Variants in SGCD observed in about 807,000 individuals in gnomAD.
SGCD encodes the protein delta-sarcoglycan.
SGCD carries 18 observed loss-of-function variants against 36.6 expected under a neutral mutation model. That is an observed-to-expected ratio of 0.49 (90% CI 0.34 to 0.73). SGCD has a LOEUF of 0.73. Among genes scored for constraint, SGCD ranks in the 30% least tolerant of loss-of-function variants. The pLI, the probability that SGCD is intolerant of heterozygous loss-of-function variation, is 0.01. For missense variants in SGCD, 387 were observed against 346.7 expected, an observed-to-expected ratio of 1.12 and a Z score of -0.92; for synonymous variants, 133 against 130.6, an observed-to-expected ratio of 1.02 and a Z score of -0.12.
intron 6 of SGCD, among the ~76,000 whole-genome samples, chr5:156,616,236 G>T (rs1432689705): frequency 6.6e-6 from 1 of 152,174 alleles, no homozygotes; most frequent in Non-Finnish European, 1.5e-5. Context: ...GTTTTATTCT[G>T]TGTGGACTGT....
chr5:156,272,663 C>T (rs75300904), intron 3 of SGCD, among the ~76,000 whole-genome samples: 1 of 152,160 alleles, frequency 6.6e-6, no homozygotes, highest in South Asian at 2.1e-4. Context: ...TTGCTGTCTG[C>T]TAAAAACTAT....
chr5:155,930,585 A>G (rs1010783576), intron 1 of SGCD, among the ~76,000 whole-genome samples: 1 of 152,178 alleles, frequency 6.6e-6, no homozygotes, highest in African/African-American at 2.4e-5. Context: ...GAGTAGACCC[A>G]GGGGTTCAGG....
At chr5:156,481,873 A>G (rs1329789505) in intron 3 of SGCD, among the ~76,000 whole-genome samples, 2 of 152,126 alleles carry the variant, frequency 1.3e-5, no homozygotes, top group East Asian at 3.8e-4. Context: ...CAAGTCTTTG[A>G]AGAGGTGCCA....
intron 3 of SGCD, among the ~76,000 whole-genome samples, chr5:156,472,466 G>A (rs1755013989): frequency 1.3e-5 from 2 of 152,014 alleles, no homozygotes; most frequent in East Asian, 3.9e-4. Context: ...AACCCAGTCT[G>A]GAGTGCAGTG....
chr5:156,569,310 A>T (rs1174320065), intron 4 of SGCD, among the ~76,000 whole-genome samples: 2 of 151,998 alleles, frequency 1.3e-5, no homozygotes, highest in East Asian at 3.9e-4. Context: ...ATAGACAATC[A>T]GCCGGGCATG....
At chr5:156,673,082 G>T (rs1463763258) in intron 7 of SGCD, among the ~76,000 whole-genome samples, 1 of 152,142 alleles carries the variant, frequency 6.6e-6, no homozygotes, top group Non-Finnish European at 1.5e-5. Flanking sequence ...GCCATTGTCT[G>T]CAAGGGGTTT....
At chr5:155,941,003 T>A (rs747969887) in intron 1 of SGCD, among the ~76,000 whole-genome samples, 2 of 152,174 alleles carry the variant, frequency 1.3e-5, no homozygotes, top group Non-Finnish European at 2.9e-5. Flanking sequence ...AAGAGACATT[T>A]TTTTTTTGGC....
intron 4 of SGCD, among the ~76,000 whole-genome samples, chr5:156,547,677 G>C (rs956249100): frequency 3.3e-5 from 5 of 152,082 alleles, no homozygotes. Context: ...CTCCTGACCT[G>C]GTGATCCGCC....
At chr5:156,191,353 G>A (rs375854592) in intron 3 of SGCD, among the ~76,000 whole-genome samples, 4 of 152,074 alleles carry the variant, frequency 2.6e-5, no homozygotes, top group Non-Finnish European at 5.9e-5. Context: ...CCAAAGGATG[G>A]ATTTATTGAT....
At chr5:156,699,538 C>G (rs1754449389) in intron 7 of SGCD, among the ~76,000 whole-genome samples, 1 of 151,824 alleles carries the variant, frequency 6.6e-6, no homozygotes, top group African/African-American at 2.4e-5. Flanking sequence ...TAATTGGAAT[C>G]TCTGCCCAAT....
At chr5:155,798,109 T>C in the SGCD span, among the ~76,000 whole-genome samples, 1 of 152,226 alleles carries the variant, frequency 6.6e-6, no homozygotes, top group African/African-American at 2.4e-5. Flanking sequence ...CCACAGGTTC[T>C]AAGTCATTTT....
intron 6 of SGCD, among the ~76,000 whole-genome samples, chr5:156,616,968 C>G (rs1428614060): frequency 6.6e-6 from 1 of 152,066 alleles, no homozygotes; most frequent in Non-Finnish European, 1.5e-5. Context: ...CTATCTGGCC[C>G]TTTACAAAAA....
intron 1 of SGCD, among the ~76,000 whole-genome samples, chr5:156,116,069 T>C (rs532379440): frequency 2.6e-4 from 39 of 152,264 alleles, no homozygotes; most frequent in African/African-American, 9.1e-4. Context: ...TTTTATTATT[T>C]TGTCCTCATT....
chr5:156,743,704 A>C (rs1383911329), intron 7 of SGCD, among the ~76,000 whole-genome samples: 3 of 152,210 alleles, frequency 2.0e-5, no homozygotes, highest in Non-Finnish European at 4.4e-5. Context: ...ATAGTCTTCA[A>C]ATGAGACTAT....
At chr5:156,416,637 G>A (rs2127774178) in intron 3 of SGCD, among the ~76,000 whole-genome samples, 2 of 152,316 alleles carry the variant, frequency 1.3e-5, no homozygotes, top group East Asian at 3.9e-4. Flanking sequence ...TGTGTTATAT[G>A]TTGGGGATGA....
At chr5:156,074,085 A>G (rs1218949649) in intron 1 of SGCD, among the ~76,000 whole-genome samples, 1 of 152,228 alleles carries the variant, frequency 6.6e-6, no homozygotes, top group Non-Finnish European at 1.5e-5. Context: ...TGAGCATCAG[A>G]CTTATTTTCT....
chr5:156,596,649 G>C (rs1028290094), intron 6 of SGCD, among the ~76,000 whole-genome samples: 2 of 151,974 alleles, frequency 1.3e-5, no homozygotes, highest in African/African-American at 4.8e-5. Context: ...CAGTCAGCTT[G>C]TCTGGTCTAT....
the SGCD span, among the ~76,000 whole-genome samples, chr5:155,782,103 C>T: frequency 2.0e-5 from 3 of 151,100 alleles, no homozygotes; most frequent in Non-Finnish European, 4.4e-5. Context: ...CAGCTCACCG[C>T]AACCTCTGCC....
intron 3 of SGCD, among the ~76,000 whole-genome samples, chr5:156,456,416 C>T (rs933097989): frequency 3.9e-5 from 6 of 152,054 alleles, no homozygotes; most frequent in African/African-American, 1.2e-4. Flanking sequence ...AAACAAGGAG[C>T]GTGCTATTGG....
Sources: allele counts gnomAD v4.1 joint callset (sites outside exome capture counted in the v4.1 genomes callset), GRCh38; gene constraint gnomAD v4.1.1; transcripts MANE v1.5; gene names NCBI Gene and HGNC (gene_info 2026-07-23, HGNC 2026-07-21).